DNAH6: variants seen among roughly 807,000 people sequenced by gnomAD.
DNAH6 encodes the protein axonemal beta dynein heavy chain 6.
In DNAH6, 340 loss-of-function variants were observed where a neutral mutation model predicts 491.4. That is an observed-to-expected ratio of 0.69 (90% confidence interval 0.63 to 0.76). The LOEUF is 0.76. DNAH6 is among the 30% of genes least tolerant of loss of function. The pLI is 0.00. For synonymous variants in DNAH6, 1,603 were observed against 1,686.1 expected, an observed-to-expected ratio of 0.95 and a Z score of 1.21; for missense variants, 4,443 against 4,972.2, an observed-to-expected ratio of 0.89 and a Z score of 3.20.
intron 18 of DNAH6, among the ~76,000 whole-genome samples, chr2:84,598,937 G>A (rs547859114): frequency 6.6e-6 from 1 of 151,768 alleles, no homozygotes; most frequent in African/African-American, 2.4e-5. Flanking sequence ...GGCTGAGGCA[G>A]GAGAATCGCT....
chr2:84,787,938 G>C (rs902650322), intron 68 of DNAH6, among the ~76,000 whole-genome samples: 9 of 152,152 alleles, frequency 5.9e-5, no homozygotes, highest in Non-Finnish European at 8.8e-5. Context: ...ACTGGGAAGT[G>C]GGGGAAGGAG....
intron 52 of DNAH6, 70 bp downstream of exon 52, chr2:84,705,817 T>C (rs1210439841): frequency 1.2e-5 from 17 of 1,469,466 alleles, no homozygotes; most frequent in Non-Finnish European, 1.5e-5. Context: ...AAGTTCTCTG[T>C]ATAATGTTAC....
At chr2:84,495,503 T>C in the DNAH6 span, among the ~76,000 whole-genome samples, 2 of 152,198 alleles carry the variant, frequency 1.3e-5, no homozygotes, top group Non-Finnish European at 2.9e-5. Context: ...AACTTAGAGA[T>C]CACCTCTGCA....
chr2:84,564,439 C>A (rs943590641), intron 11 of DNAH6, among the ~76,000 whole-genome samples: 1 of 151,858 alleles, frequency 6.6e-6, no homozygotes, highest in Non-Finnish European at 1.5e-5. Context: ...TCATTTTGTG[C>A]GTATGTGGCT....
At chr2:84,788,043 T>C (rs987631150) in intron 68 of DNAH6, among the ~76,000 whole-genome samples, 3 of 152,104 alleles carry the variant, frequency 2.0e-5, no homozygotes, top group Non-Finnish European at 4.4e-5. Flanking sequence ...ATCTAGAGCC[T>C]AAAAGGTAAA....
In DNAH6 at chr2:84,787,184, C is replaced by T. The variant is rs755283926; in HGVS notation, c.11121C>T (p.Pro3707=). 2 of 1,524,666 alleles carry T rather than the reference C, an allele frequency of 1.3e-6. No homozygotes were observed. The highest frequency in any genetic ancestry group is 2.2e-5 in the Admixed American group (1 of 45,714). The allele number at this position is 1,524,666 out of a possible 1,614,324, so 94.4% of individuals were successfully genotyped here. Residue 3707 remains proline (P), a synonymous_variant, in exon 68 of 77, where the codon CCC becomes CCT. Coordinates refer to ENST00000389394, the MANE Select transcript of DNAH6 (RefSeq NM_001370.2). ...AIIQERKKFG[P]LGWNICYEFN... ...TTTAGGAGAGAAAGAAGTTTGGCCC[C>T]CTTGGTTGGAATATCTGCTATGAAT...
intron 44 of DNAH6, among the ~76,000 whole-genome samples, chr2:84,687,801 C>T (rs2104762596): frequency 6.6e-6 from 1 of 152,318 alleles, no homozygotes; most frequent in East Asian, 1.9e-4. Flanking sequence ...GAATTTCATT[C>T]TCAACAATTT....
intron 70 of DNAH6, among the ~76,000 whole-genome samples, chr2:84,802,044 A>C (rs758249280): frequency 1.3e-5 from 2 of 152,234 alleles, no homozygotes; most frequent in African/African-American, 4.8e-5. Flanking sequence ...CAGCTCTACA[A>C]GAAATGCTTA....
At chr2:84,783,268 A>G (rs186154409) in intron 65 of DNAH6, among the ~76,000 whole-genome samples, 113 of 152,348 alleles carry the variant, frequency 7.4e-4, no homozygotes, top group African/African-American at 2.6e-3. Flanking sequence ...TAAAATGACT[A>G]CATGACATCA....
intron 39 of DNAH6, among the ~76,000 whole-genome samples, chr2:84,671,739 A>G (rs1329466618): frequency 6.6e-6 from 1 of 152,092 alleles, no homozygotes; most frequent in Admixed American, 6.5e-5. Context: ...AATCCCAACC[A>G]CAAGGACATG....
At position 84,819,356 on chromosome 2, in the gene DNAH6, A is replaced by C. The variant is rs1680810747; in HGVS notation, c.12425A>C (p.Lys4142Thr). Residue 4142 changes from lysine (K) to threonine (T), a missense_variant, in exon 77 of 77, where the codon AAA becomes ACA. Physicochemically the swap from Lys to Thr is moderately conservative, Grantham distance 78 (BLOSUM62 -1). Transcript: ENST00000389394. ...VTVLLPSKRS[K>T]DYWIAKGSAL... Reference sequence around the variant, plus strand: ...GTCCTGTTACCCTCCAAGCGGTCCAAAGACTACTGGATTGCCAAGGGATCA... The same window carrying C: ...GTCCTGTTACCCTCCAAGCGGTCCACAGACTACTGGATTGCCAAGGGATCA... 1 of 1,551,490 alleles carries C rather than the reference A, an allele frequency of 6.4e-7. No homozygotes were observed. Among genetic ancestry groups the C allele is most frequent in the African/African-American group, 1.4e-5 (1 of 73,134 alleles).
intron 68 of DNAH6, among the ~76,000 whole-genome samples, chr2:84,789,915 A>G (rs1677584300): frequency 6.6e-6 from 1 of 152,170 alleles, no homozygotes; most frequent in African/African-American, 2.4e-5. Flanking sequence ...CGGTTAATAT[A>G]AAAAAAGACT....
intron 13 of DNAH6, among the ~76,000 whole-genome samples, chr2:84,577,763 T>A (rs1682608619): frequency 6.6e-6 from 1 of 152,114 alleles, no homozygotes; most frequent in African/African-American, 2.4e-5. Context: ...GTTTAGGAAA[T>A]CATTTTCTGA....
intron 18 of DNAH6, among the ~76,000 whole-genome samples, chr2:84,602,377 G>A (rs1168728861): frequency 6.8e-6 from 1 of 148,028 alleles, no homozygotes; most frequent in Non-Finnish European, 1.5e-5. Context: ...TTTTGTTTCT[G>A]TTTTTCCTTC....
intron 68 of DNAH6, 103 bp downstream of exon 68, chr2:84,787,405 ATGG>A: frequency 1.2e-6 from 1 of 803,996 alleles, no homozygotes; most frequent in Non-Finnish European, 1.9e-6. Context: ...CCAGTGTTTA[ATGG>A]TGGTGATGAT....
chr2:84,546,541 T>C (rs1432482979), intron 5 of DNAH6, among the ~76,000 whole-genome samples: 1 of 152,200 alleles, frequency 6.6e-6, no homozygotes, highest in African/African-American at 2.4e-5. Flanking sequence ...CTGACTTTTG[T>C]TTATTTAACT....
At chr2:84,511,274 G>C in the DNAH6 span, among the ~76,000 whole-genome samples, 2 of 152,146 alleles carry the variant, frequency 1.3e-5, no homozygotes, top group Non-Finnish European at 2.9e-5. Flanking sequence ...CGGCAATGGC[G>C]GGCGCCCCTC....
chr2:84,520,383 C>T (rs1248335749), intron 2 of DNAH6, among the ~76,000 whole-genome samples: 1 of 152,086 alleles, frequency 6.6e-6, no homozygotes, highest in Non-Finnish European at 1.5e-5. Flanking sequence ...TGAAACTGCA[C>T]CTTCACACAG....
At chr2:84,681,306 T>C in intron 41 of DNAH6, 51 bp from the exon 42 acceptor site, 2 of 1,389,974 alleles carry the variant, frequency 1.4e-6, no homozygotes, top group South Asian at 3.1e-5. Context: ...AAAAGATAGA[T>C]ATTTGGTTTA....
Sources: allele counts gnomAD v4.1 joint callset (sites outside exome capture counted in the v4.1 genomes callset), GRCh38; gene constraint gnomAD v4.1.1; transcripts MANE v1.5; gene names NCBI Gene and HGNC (gene_info 2026-07-23, HGNC 2026-07-21).